ZNF326: variants seen among roughly 807,000 people sequenced by gnomAD.
The protein encoded by ZNF326 is zinc finger protein 326, also known as DBIRD complex subunit ZNF326.
A neutral mutation model predicts 63.1 loss-of-function variants in ZNF326; 30 were observed. That is an observed-to-expected ratio of 0.48 (90% CI 0.36 to 0.64). ZNF326 has a LOEUF of 0.64. ZNF326 is among the 30% of genes least tolerant of loss of function. The pLI is 0.00. For missense variants in ZNF326, 609 were observed against 720.3 expected (o/e 0.85, Z 1.77); for synonymous variants, 194 against 228.2 (o/e 0.85, Z 1.35).
In ZNF326 at chr1:89,995,127, C is replaced by T. The variant is rs528785468; in HGVS notation, c.-131C>T. ...GCCTCCCCAGCCTCGCTGTGGCCTGCGGCTCCCGGGCTGGTAGCGCGCCGC... is the reference window on the plus strand; with the variant it reads ...GCCTCCCCAGCCTCGCTGTGGCCTGTGGCTCCCGGGCTGGTAGCGCGCCGC... On this transcript the variant is annotated 5_prime_UTR_variant, in exon 1 of 12. Coordinates refer to ENST00000340281, the MANE Select transcript of ZNF326 (RefSeq NM_182976.4). The T allele has an allele frequency of 3.6e-5, 42 of 1,159,286 alleles. No homozygotes were observed. In the African/African-American group the frequency reaches 5.3e-4, roughly 15 times the overall value. The allele number at this position is 1,159,286 out of a possible 1,614,324, so 71.8% of individuals were successfully genotyped here. A position where few individuals can be genotyped will look rare whatever the true frequency, so the allele number is the denominator to read the frequency against.
intron 2 of ZNF326, among the ~76,000 whole-genome samples, chr1:90,001,560 T>TA (rs1281704255): frequency 6.6e-6 from 1 of 151,258 alleles, no homozygotes. Context: ...TTTTAATTTT[T>TA]TTTTTTTTTT....
At chr1:90,006,115 T>C in intron 4 of ZNF326, 2 of 985,430 alleles carry the variant, frequency 2.0e-6, no homozygotes, top group African/African-American at 3.5e-5. Flanking sequence ...GATGCTTACT[T>C]TCCTTCTTTC....
intron 1 of ZNF326, 57 bp from the exon 2 acceptor site, chr1:89,998,053 A>G (rs1648482771): frequency 5.3e-6 from 8 of 1,511,280 alleles, no homozygotes; most frequent in African/African-American, 1.4e-5. Context: ...TCGGCATATA[A>G]TTTTGAATTA....
rs1374731280 is a variant in ZNF326, at chr1:89,995,144, G to T, written c.-114G>T. ...GTGGCCTGCGGCTCCCGGGCTGGTA[G>T]CGCGCCGCTCTCGGTCGCGCGGAGT... On this transcript the variant is annotated 5_prime_UTR_variant, in exon 1 of 12. Transcript: ENST00000340281. The T allele has an allele frequency of 4.5e-6, 6 of 1,328,832 alleles. No homozygotes were observed. In the South Asian group the frequency reaches 5.2e-5, roughly 12 times the overall value. The allele number at this position is 1,328,832 out of a possible 1,614,324, so 82.3% of individuals were successfully genotyped here. A position where few individuals can be genotyped will look rare whatever the true frequency, so the allele number is the denominator to read the frequency against.
At chr1:90,019,313 C>G (rs1375585015) in intron 9 of ZNF326, among the ~76,000 whole-genome samples, 1 of 152,076 alleles carries the variant, frequency 6.6e-6, no homozygotes, top group Non-Finnish European at 1.5e-5. Flanking sequence ...TTAAGCATAA[C>G]CCACACTATT....
chr1:90,018,977 C>A (rs1649630724), intron 9 of ZNF326, among the ~76,000 whole-genome samples, 193 bp downstream of exon 9: 1 of 152,116 alleles, frequency 6.6e-6, no homozygotes, highest in Non-Finnish European at 1.5e-5. Flanking sequence ...CCTGCCATTA[C>A]TTTCTTCACT....
In ZNF326 at chr1:89,995,194, GA is replaced by G; in HGVS notation, c.-63del. 5.9e-6 allele frequency: 9 copies of G among 1,519,238 alleles called. No individual in the cohort carries two copies. Among genetic ancestry groups the G allele is most frequent in the Non-Finnish European group, 7.9e-6 (9 of 1,136,226 alleles). 94.1% of individuals were successfully genotyped at this position (1,519,238 alleles called of 1,614,324 possible). A position where few individuals can be genotyped will look rare whatever the true frequency, so the allele number is the denominator to read the frequency against. On this transcript the variant is annotated 5_prime_UTR_variant, in exon 1 of 12. Coordinates refer to ENST00000340281, the MANE Select transcript of ZNF326 (RefSeq NM_182976.4). ...TGATCGTGTGGAATCGCGGGTCGCGGACGCTCGCCGCCGGCCATAGCTCAGC... is the reference window on the plus strand; with the variant it reads ...TGATCGTGTGGAATCGCGGGTCGCGGCGCTCGCCGCCGGCCATAGCTCAGC...
intron 2 of ZNF326, among the ~76,000 whole-genome samples, chr1:90,002,378 A>G (rs745413752): frequency 1.3e-5 from 2 of 152,192 alleles, no homozygotes; most frequent in Non-Finnish European, 2.9e-5. Context: ...TTAATATTCA[A>G]AGGCAGCCAG....
At chr1:90,010,795 C>G (rs984704546) in intron 6 of ZNF326, among the ~76,000 whole-genome samples, 5 of 151,866 alleles carry the variant, frequency 3.3e-5, no homozygotes, top group African/African-American at 1.2e-4. Context: ...TAGATTCTTT[C>G]CTCAAAATAT....
chr1:90,024,174 A>G (rs1408482331), intron 11 of ZNF326, among the ~76,000 whole-genome samples: 2 of 152,130 alleles, frequency 1.3e-5, no homozygotes, highest in South Asian at 4.1e-4. Flanking sequence ...TCCACTGTCA[A>G]GTGCTCTCAG....
intron 4 of ZNF326, 114 bp downstream of exon 4, chr1:90,005,358 A>C: frequency 3.4e-6 from 5 of 1,450,062 alleles, no homozygotes; most frequent in Non-Finnish European, 4.5e-6. Context: ...TTTGCTATTG[A>C]ATCATCACCT....
rs972412509 is a variant in ZNF326 at position 90,032,606 on chromosome 1, C to G, written c.*4905C>G. The G allele has an allele frequency of 6.6e-6, 1 of 152,168 alleles. No individual in the cohort carries two copies. Among genetic ancestry groups the G allele is most frequent in the East Asian group, 1.9e-4 (1 of 5,208 alleles). The allele number at this position is 152,168 out of a possible 1,614,324, so 9.4% of individuals were successfully genotyped here. Reference sequence around the variant, plus strand: ...GAAGATACAAAACAAGGAATTAGATCTTGGTGAAACCAAGAGAGCCAAGGA... The same window carrying G: ...GAAGATACAAAACAAGGAATTAGATGTTGGTGAAACCAAGAGAGCCAAGGA... On this transcript the variant is annotated 3_prime_UTR_variant, in exon 12 of 12. Coordinates refer to ENST00000340281, the MANE Select transcript of ZNF326 (RefSeq NM_182976.4).
At chr1:90,009,885 A>G (rs546549700) in intron 5 of ZNF326, among the ~76,000 whole-genome samples, 32 of 152,266 alleles carry the variant, frequency 2.1e-4, no homozygotes, top group African/African-American at 7.7e-4. Flanking sequence ...TGGAAATAAA[A>G]ATACTAATTC....
At position 90,027,956 on chromosome 1, in the gene ZNF326, T is replaced by G. The variant is rs1415983734; in HGVS notation, c.*255T>G. On this transcript the variant is annotated 3_prime_UTR_variant, in exon 12 of 12. Transcript: ENST00000340281. ...GTATAATTTTTAAGCTTAATTTTTATTACTTTATTGGTGTTAAGGATAACA... is the reference window on the plus strand; with the variant it reads ...GTATAATTTTTAAGCTTAATTTTTAGTACTTTATTGGTGTTAAGGATAACA... 1 of 458,352 alleles carries G rather than the reference T, an allele frequency of 2.2e-6. No individual in the cohort carries two copies. The highest frequency in any genetic ancestry group is 3.8e-6 in the Non-Finnish European group (1 of 260,242). The allele number at this position is 458,352 out of a possible 1,614,324, so 28.4% of individuals were successfully genotyped here.
chr1:90,020,816 T>C lies in ZNF326; in HGVS notation c.1199T>C (p.Met400Thr), dbSNP rs1273505279. Residue 400 changes from methionine to threonine, a missense_variant, in exon 10 of 12, where the codon ATG (methionine) becomes ACG (threonine). By Grantham distance (81) the Met-to-Thr change is moderately conservative. Transcript: ENST00000340281. ...MEGVTVDDHM[M>T]KVETVHCSAC... ...GGTGTTACTGTAGATGATCACATGA[T>C]GAAGGTAGAGACAGTTCATTGCAGC... 17 of 1,611,408 alleles carry C rather than the reference T, an allele frequency of 1.1e-5. No homozygotes were observed. The highest frequency in any genetic ancestry group is 1.4e-5 in the Non-Finnish European group (16 of 1,178,524).
chr1:90,027,690 G>C lies in ZNF326; in HGVS notation c.1738G>C (p.Glu580Gln), dbSNP rs949658558. 2 of 1,613,964 alleles carry C rather than the reference G, an allele frequency of 1.2e-6. No individual in the cohort carries two copies. The highest frequency in any genetic ancestry group is 8.5e-7 in the Non-Finnish European group (1 of 1,179,974). The change falls in exon 12 of 12, where the codon GAA (glutamate) becomes CAA (glutamine). Residue 580 changes from glutamate (E) to glutamine (Q), a missense_variant. By Grantham distance (29) the Glu-to-Gln change is conservative (BLOSUM62 2). This residue lies in a region of ZNF326 where 399 missense variants were observed against 444.3 expected (regional missense o/e 0.90). Transcript: ENST00000340281. ...EPADFPVEQPEEN is the reference protein window; with the variant it reads ...EPADFPVEQPQEN ...TGCTGACTTCCCTGTTGAGCAACCT[G>C]AAGAAAATTAAATATAAGGTATTAG...
chr1:89,998,183 C>T (rs1300974120), intron 2 of ZNF326, 29 bp downstream of exon 2: 1 of 1,608,888 alleles, frequency 6.2e-7, no homozygotes, highest in Admixed American at 1.7e-5. Context: ...CTTTTCTCTT[C>T]ATGCGCATAA....
intron 9 of ZNF326, among the ~76,000 whole-genome samples, chr1:90,020,388 C>A (rs1649710506): frequency 6.6e-6 from 1 of 152,024 alleles, no homozygotes; most frequent in Non-Finnish European, 1.5e-5. Flanking sequence ...TTGCAAGATC[C>A]AGAATACCTT....
At chr1:89,996,090 A>G (rs1648357219) in intron 1 of ZNF326, among the ~76,000 whole-genome samples, 2 of 152,230 alleles carry the variant, frequency 1.3e-5, no homozygotes, top group Non-Finnish European at 2.9e-5. Flanking sequence ...CTCAGATACT[A>G]ATTCTTTAAA....
Sources: gnomAD v4.1 joint callset for allele counts (sites outside exome capture counted in the v4.1 genomes callset) on GRCh38, gnomAD v4.1.1 for gene constraint, gnomAD v4.1.1 regional missense constraint, MANE v1.5 for transcripts, NCBI Gene and HGNC (gene_info 2026-07-23, HGNC 2026-07-21) for gene names.